Variants in RAB7A observed in about 807,000 individuals in gnomAD.
RAB7A encodes RAB7A, member RAS oncogene family.
Under a neutral mutation model 24.5 loss-of-function variants are expected in RAB7A, and 2 were observed. The observed-to-expected ratio is 0.08, with a 90% CI of 0.03 to 0.26. The LOEUF is 0.26. RAB7A is among the 10% of genes least tolerant of loss of function. The pLI, the probability that RAB7A is intolerant of heterozygous loss-of-function variation, is 1.00. For synonymous variants in RAB7A, 100 were observed against 95.9 expected, an observed-to-expected ratio of 1.04 and a Z score of -0.25; for missense variants, 118 against 255.7, an observed-to-expected ratio of 0.46 and a Z score of 3.67.
intron 1 of RAB7A, among the ~76,000 whole-genome samples, chr3:128,777,781 G>A (rs1196456204): frequency 6.6e-6 from 1 of 152,108 alleles, no homozygotes; most frequent in African/African-American, 2.4e-5. Context: ...CTGTGCAGTG[G>A]CGCGATCTTG....
chr3:128,763,208 A>ATATATATATATATATTTTTTTT (rs373993932), intron 1 of RAB7A, among the ~76,000 whole-genome samples: 2 of 76,108 alleles, frequency 2.6e-5, no homozygotes, highest in African/African-American at 1.6e-4. Context: ...ATATATATAT[A>ATATATATATATATATTTTTTTT]TTTTTTTTTT....
intron 1 of RAB7A, among the ~76,000 whole-genome samples, chr3:128,742,398 C>T (rs1488984917): frequency 6.6e-6 from 1 of 152,126 alleles, no homozygotes; most frequent in Non-Finnish European, 1.5e-5. Flanking sequence ...GCGGGTTGCC[C>T]ATGCTGGCTC....
chr3:128,745,395 G>A (rs1034079733), intron 1 of RAB7A, among the ~76,000 whole-genome samples: 1 of 151,868 alleles, frequency 6.6e-6, no homozygotes, highest in African/African-American at 2.4e-5. Context: ...ACAGAGTTTT[G>A]CTTTGTTGCC....
At chr3:128,732,478 TG>T (rs1672642349) in intron 1 of RAB7A, among the ~76,000 whole-genome samples, 1 of 152,138 alleles carries the variant, frequency 6.6e-6, no homozygotes, top group Non-Finnish European at 1.5e-5. Flanking sequence ...AAGTGTTAAC[TG>T]GTTATTTTCT....
At chr3:128,798,748 G>C (rs1933631532) in intron 3 of RAB7A, 1 of 168,258 alleles carries the variant, frequency 5.9e-6, no homozygotes, top group African/African-American at 2.5e-5. Flanking sequence ...CCAGGAGTTT[G>C]AGCCTGCAGT....
At position 128,731,000 on chromosome 3, in the gene RAB7A, T is replaced by G. The variant is rs184045163; in HGVS notation, c.-9+4641T>G. On this transcript the variant is annotated intron_variant, in intron 1 of 5. Transcript: ENST00000265062. ...CCAGCCTTGCTTGTCTCTTAGTTGGTCCTTCTTGTGTGGCTGCTGCCAGAT... is the reference window on the plus strand; with the variant it reads ...CCAGCCTTGCTTGTCTCTTAGTTGGGCCTTCTTGTGTGGCTGCTGCCAGAT... 5.9e-5 allele frequency among the ~76,000 whole-genome samples: 9 copies of G among 152,292 alleles called. No homozygotes were observed. The East Asian group carries it at 1.7e-3, about 29-fold the overall frequency.
chr3:128,727,756 T>G (rs2070395158), intron 1 of RAB7A, among the ~76,000 whole-genome samples: 1 of 152,210 alleles, frequency 6.6e-6, no homozygotes, highest in African/African-American at 2.4e-5. Flanking sequence ...TTCTTGTGAC[T>G]TAAGCAGCTG....
intron 1 of RAB7A, 192 bp from the exon 2 acceptor site, chr3:128,795,168 G>T: frequency 1.6e-6 from 1 of 644,062 alleles, no homozygotes; most frequent in East Asian, 2.8e-5. Flanking sequence ...GTGCTGTTCT[G>T]CCTCGCTCTT....
intron 1 of RAB7A, among the ~76,000 whole-genome samples, chr3:128,756,680 G>T (rs546461217): frequency 6.6e-6 from 1 of 152,080 alleles, no homozygotes; most frequent in South Asian, 2.1e-4. Flanking sequence ...GAAAATCATG[G>T]GATCTCCAGT....
chr3:128,756,868 G>C (rs1344117915), intron 1 of RAB7A, among the ~76,000 whole-genome samples: 1 of 150,172 alleles, frequency 6.7e-6, no homozygotes, highest in Non-Finnish European at 1.5e-5. Context: ...TTTTGAGACG[G>C]AGTTGCGCTC....
intron 1 of RAB7A, among the ~76,000 whole-genome samples, chr3:128,760,662 A>G (rs556323261): frequency 3.3e-5 from 5 of 152,334 alleles, no homozygotes; most frequent in African/African-American, 9.6e-5. Flanking sequence ...TCATCTAGCA[A>G]TCATAACAAA....
intron 1 of RAB7A, among the ~76,000 whole-genome samples, chr3:128,743,546 A>ACCC (rs2070577772): frequency 6.6e-6 from 1 of 152,212 alleles, no homozygotes; most frequent in African/African-American, 2.4e-5. Context: ...CTCAGCTTGG[A>ACCC]CATTGGAATT....
intron 1 of RAB7A, among the ~76,000 whole-genome samples, chr3:128,781,779 C>T (rs563761073): frequency 3.6e-4 from 55 of 151,870 alleles, no homozygotes; most frequent in Middle Eastern, 3.4e-3. Flanking sequence ...TTTGGGAGGC[C>T]GAGGCGCTGA....
At chr3:128,811,706 A>G (rs1933930460) in intron 5 of RAB7A, among the ~76,000 whole-genome samples, 1 of 151,956 alleles carries the variant, frequency 6.6e-6, no homozygotes, top group African/African-American at 2.4e-5. Flanking sequence ...AAAATTAGCT[A>G]GGTGTGGTGG....
intron 1 of RAB7A, 145 bp from the exon 2 acceptor site, chr3:128,795,215 C>T: frequency 2.7e-6 from 2 of 736,200 alleles, no homozygotes; most frequent in Admixed American, 2.0e-5. Context: ...TGTTTTTTAT[C>T]AGTGCCCCCT....
chr3:128,798,920 C>A, intron 3 of RAB7A: 2 of 277,786 alleles, frequency 7.2e-6, no homozygotes, highest in South Asian at 3.7e-5. Flanking sequence ...GTTGTCAGTA[C>A]AACCTCACTT....
chr3:128,729,439 G>A (rs1445100833), intron 1 of RAB7A, among the ~76,000 whole-genome samples: 3 of 151,872 alleles, frequency 2.0e-5, no homozygotes, highest in African/African-American at 7.3e-5. Flanking sequence ...GCGTGGTGGC[G>A]GGCGCCTGTA....
intron 5 of RAB7A, among the ~76,000 whole-genome samples, chr3:128,812,484 A>AT (rs1392746676): frequency 2.0e-5 from 3 of 152,122 alleles, no homozygotes; most frequent in South Asian, 2.1e-4. Context: ...GAATGGAATG[A>AT]TTTTTTTCCT....
chr3:128,772,299 T>C (rs937017496), intron 1 of RAB7A, among the ~76,000 whole-genome samples: 1 of 152,230 alleles, frequency 6.6e-6, no homozygotes, highest in Admixed American at 6.5e-5. Flanking sequence ...CCTAGAAGGA[T>C]GTGTTCCAAA....
Sources: allele counts gnomAD v4.1 joint callset (sites outside exome capture counted in the v4.1 genomes callset), GRCh38; gene constraint gnomAD v4.1.1; transcripts MANE v1.5; gene names NCBI Gene and HGNC (gene_info 2026-07-23, HGNC 2026-07-21).